Variants in NME7 observed in about 807,000 individuals in gnomAD.
NME7 encodes NME/NM23 family member 7.
Under a neutral mutation model 49.1 loss-of-function variants are expected in NME7, and 41 were observed. The ratio of observed to expected loss-of-function variants is 0.83; its 90% CI spans 0.65 to 1.08. The LOEUF (loss-of-function observed/expected upper bound fraction) is 1.08, where lower values mean the gene tolerates loss of function less well. Among genes scored for constraint, NME7 ranks in the 50% least tolerant of loss-of-function variants. The pLI, the probability that NME7 is intolerant of heterozygous loss-of-function variation, is 0.00. For missense variants in NME7, 423 were observed against 463.4 expected, an observed-to-expected ratio of 0.91 and a Z score of 0.80; for synonymous variants, 139 against 150.6, an observed-to-expected ratio of 0.92 and a Z score of 0.56.
At position 169,132,716 on chromosome 1, in the gene NME7, C is replaced by T. The variant is rs992605441; in HGVS notation, c.*69G>A. The T allele has an allele frequency of 7.0e-6, 10 of 1,423,306 alleles. No homozygotes were observed. The highest frequency in any genetic ancestry group is 8.9e-6 in the Non-Finnish European group (9 of 1,014,980). The allele number at this position is 1,423,306 out of a possible 1,614,324, so 88.2% of individuals were successfully genotyped here. A position where few individuals can be genotyped will look rare whatever the true frequency, so the allele number is the denominator to read the frequency against. On this transcript the variant is annotated 3_prime_UTR_variant, in exon 12 of 12. Coordinates refer to ENST00000367811, the MANE Select transcript of NME7 (RefSeq NM_013330.5). ...AAACAACGGACAATAAAAGAATGAA[C>T]ACATTCCTCGTGTGTGATTCACTCT...
chr1:169,287,466 A>T, intron 6 of NME7, 58 bp from the exon 7 acceptor site: 1 of 1,216,246 alleles, frequency 8.2e-7, no homozygotes. Context: ...AACTTACAAG[A>T]TATTTCTGTG....
chr1:169,344,060 A>G (rs373806573), intron 1 of NME7, among the ~76,000 whole-genome samples: 7 of 152,212 alleles, frequency 4.6e-5, no homozygotes, highest in African/African-American at 1.7e-4. Flanking sequence ...GAATGTTTCC[A>G]TTTATTTAGG....
intron 7 of NME7, among the ~76,000 whole-genome samples, chr1:169,249,538 G>A (rs76620226): frequency 0.021 from 3,187 of 152,168 alleles, 116 homozygotes; most frequent in African/African-American, 0.073. Context: ...AGTGGTGAAA[G>A]TGGCATCCTT....
chr1:169,291,568 G>T (rs922701813), intron 6 of NME7, among the ~76,000 whole-genome samples: 1 of 151,832 alleles, frequency 6.6e-6, no homozygotes, highest in African/African-American at 2.4e-5. Flanking sequence ...GGGGTGATGG[G>T]TGCAGCAAAC....
chr1:169,358,626 T>C (rs1211565428), intron 1 of NME7, among the ~76,000 whole-genome samples: 1 of 152,088 alleles, frequency 6.6e-6, no homozygotes, highest in Non-Finnish European at 1.5e-5. Flanking sequence ...CAAAGAAATA[T>C]TGTAGGTAAG....
chr1:169,189,547 C>A (rs886334558), intron 10 of NME7, among the ~76,000 whole-genome samples: 15 of 152,072 alleles, frequency 9.9e-5, no homozygotes, highest in African/African-American at 3.4e-4. Context: ...TGAAACACAA[C>A]AAATTAGCAT....
chr1:169,154,615 T>C (rs1411604198), intron 11 of NME7, among the ~76,000 whole-genome samples: 1 of 151,932 alleles, frequency 6.6e-6, no homozygotes, highest in Admixed American at 6.6e-5. Flanking sequence ...CTGGCCAATA[T>C]GGTAAAACAC....
chr1:169,133,842 T>C (rs1478786344), intron 11 of NME7, among the ~76,000 whole-genome samples: 1 of 152,232 alleles, frequency 6.6e-6, no homozygotes, highest in Non-Finnish European at 1.5e-5. Flanking sequence ...AAATTTGTGA[T>C]GCTTGTGAAT....
chr1:169,279,462 G>A (rs376351252), intron 7 of NME7, among the ~76,000 whole-genome samples: 1 of 152,306 alleles, frequency 6.6e-6, no homozygotes, highest in South Asian at 2.1e-4. Flanking sequence ...AGCAATCAAC[G>A]AGACTCTGTG....
chr1:169,158,774 G>T (rs183908683), intron 11 of NME7, among the ~76,000 whole-genome samples: 7 of 152,158 alleles, frequency 4.6e-5, no homozygotes, highest in African/African-American at 1.7e-4. Context: ...GCCTACAGTG[G>T]ACCCCGAGAA....
At chr1:169,243,333 C>T (rs1251513220) in intron 7 of NME7, among the ~76,000 whole-genome samples, 15 of 152,038 alleles carry the variant, frequency 9.9e-5, no homozygotes, top group Admixed American at 9.8e-4. Flanking sequence ...AATAAAGTCT[C>T]CAAGAAAAAA....
chr1:169,353,499 C>G (rs1435976654), intron 1 of NME7, among the ~76,000 whole-genome samples: 1 of 152,070 alleles, frequency 6.6e-6, no homozygotes, highest in Non-Finnish European at 1.5e-5. Context: ...GCAAAAATTT[C>G]TTGACCACCA....
intron 9 of NME7, among the ~76,000 whole-genome samples, chr1:169,233,345 A>C (rs1477233837): frequency 6.6e-6 from 1 of 152,158 alleles, no homozygotes; most frequent in Admixed American, 6.5e-5. Context: ...ATAGGAAAGA[A>C]TACTTTAGGC....
intron 10 of NME7, among the ~76,000 whole-genome samples, chr1:169,204,223 G>A (rs1286269487): frequency 6.6e-6 from 1 of 151,404 alleles, no homozygotes; most frequent in Non-Finnish European, 1.5e-5. Flanking sequence ...TCAGTCAGTA[G>A]GGAGCTTGGG....
Position 169,269,707 on chromosome 1 carries a change from G to A in NME7, c.754+17596C>T, listed in dbSNP as rs558891489. Among the ~76,000 whole-genome samples the A allele has an allele frequency of 3.0e-5, 4 of 133,018 alleles. 1 individual carries two copies. The highest frequency in any genetic ancestry group is 2.3e-4 in the South Asian group (1 of 4,312). 87.3% of individuals were successfully genotyped at this position (133,018 alleles called of 152,430 possible). A position where few individuals can be genotyped will look rare whatever the true frequency, so the allele number is the denominator to read the frequency against. ...GAGGACATGATAAATAAGACCTAGCGCCTACCAGTCTCATTTTAATTCTTA... is the reference window on the plus strand; with the variant it reads ...GAGGACATGATAAATAAGACCTAGCACCTACCAGTCTCATTTTAATTCTTA... On this transcript the variant is annotated intron_variant, in intron 7 of 11. Transcript: ENST00000367811.
intron 10 of NME7, among the ~76,000 whole-genome samples, chr1:169,219,826 A>C (rs1354295021): frequency 1.3e-5 from 2 of 152,342 alleles, no homozygotes; most frequent in East Asian, 3.9e-4. Flanking sequence ...AGTGTTTAAT[A>C]AATGCCTGAA....
At chr1:169,326,035 C>T (rs907004343) in intron 1 of NME7, among the ~76,000 whole-genome samples, 2 of 151,750 alleles carry the variant, frequency 1.3e-5, no homozygotes, top group Non-Finnish European at 2.9e-5. Flanking sequence ...TTTTTACTAT[C>T]CATAATAAAA....
chr1:169,210,985 T>C (rs191746040), intron 10 of NME7, among the ~76,000 whole-genome samples: 12 of 133,056 alleles, frequency 9.0e-5, no homozygotes, highest in African/African-American at 3.1e-4. Context: ...ATATAGATCA[T>C]AAGCTCTTTT....
intron 1 of NME7, among the ~76,000 whole-genome samples, chr1:169,354,262 T>C (rs1653296973): frequency 6.6e-6 from 1 of 152,054 alleles, no homozygotes; most frequent in African/African-American, 2.4e-5. Context: ...GAATTAAAGG[T>C]CATTATGTTA....
Sources: gnomAD v4.1 joint callset for allele counts (sites outside exome capture counted in the v4.1 genomes callset) on GRCh38, gnomAD v4.1.1 for gene constraint, MANE v1.5 for transcripts, NCBI Gene and HGNC (gene_info 2026-07-23, HGNC 2026-07-21) for gene names.